KDSR: variants seen among roughly 807,000 people sequenced by gnomAD.
KDSR encodes the protein 3-ketodihydrosphingosine reductase.
KDSR carries 23 observed loss-of-function variants against 41.3 expected under a neutral mutation model. That is an observed-to-expected ratio of 0.56 (90% CI 0.40 to 0.79). The LOEUF is 0.79. Among genes scored for constraint, KDSR ranks in the 30% least tolerant of loss-of-function variants. The pLI, the probability that KDSR is intolerant of heterozygous loss-of-function variation, is 0.00. For missense variants in KDSR, 351 were observed against 416.8 expected (o/e 0.84, Z 1.37); for synonymous variants, 138 against 151.7 (o/e 0.91, Z 0.66).
At chr18:63,349,735 A>G (rs1409166599) in intron 6 of KDSR, among the ~76,000 whole-genome samples, 4 of 152,234 alleles carry the variant, frequency 2.6e-5, no homozygotes, top group African/African-American at 9.6e-5. Flanking sequence ...GGGGTCTTCT[A>G]AACAGGGGTC....
rs1913925543 is a variant in KDSR at position 63,329,904 on chromosome 18, T to C, written c.*1878A>G. The C allele has an allele frequency of 5.2e-6, 1 of 192,412 alleles. No homozygotes were observed. Among genetic ancestry groups the C allele is most frequent in the African/African-American group, 2.3e-5 (1 of 43,122 alleles). 11.9% of individuals were successfully genotyped at this position (192,412 alleles called of 1,614,324 possible). On this transcript the variant is annotated 3_prime_UTR_variant, in exon 10 of 10. Transcript: ENST00000645214. ...AAAGCTATGATTCCATTTTAGCAGCTGCACAACGCAACTCGATATAATCTG... is the reference window on the plus strand; with the variant it reads ...AAAGCTATGATTCCATTTTAGCAGCCGCACAACGCAACTCGATATAATCTG...
chr18:63,363,138 C>T (rs1230462556), intron 1 of KDSR, among the ~76,000 whole-genome samples: 1 of 151,846 alleles, frequency 6.6e-6, no homozygotes, highest in Non-Finnish European at 1.5e-5. Flanking sequence ...GGAAAAGTGC[C>T]CTATAAGTCT....
intron 8 of KDSR, among the ~76,000 whole-genome samples, chr18:63,336,408 A>G (rs751705121): frequency 2.0e-4 from 31 of 152,238 alleles, no homozygotes; most frequent in Non-Finnish European, 3.2e-4. Context: ...GCAGATGTGC[A>G]GAAAGCGAAG....
At chr18:63,337,048 A>C (rs1914179641) in intron 8 of KDSR, among the ~76,000 whole-genome samples, 1 of 149,754 alleles carries the variant, frequency 6.7e-6, no homozygotes, top group Non-Finnish European at 1.5e-5. Context: ...TGTTTAAAAA[A>C]AGTCACTTTA....
In KDSR at chr18:63,338,886, A is replaced by G; in HGVS notation, c.694-3T>C. The G allele has an allele frequency of 6.3e-7, 1 of 1,583,084 alleles. No individual in the cohort carries two copies. The highest frequency in any genetic ancestry group is 8.6e-7 in the Non-Finnish European group (1 of 1,161,054). On this transcript the variant is annotated splice_region_variant and splice_polypyrimidine_tract_variant and intron_variant, in intron 7 of 9. Coordinates refer to ENST00000645214, the MANE Select transcript of KDSR (RefSeq NM_002035.4). ...GAAATAAGTCGAGTCTCCAAAGGCT[A>G]AAAGTGGAAAAACATGTACATAACA...
At position 63,331,096 on chromosome 18, in the gene KDSR, C is replaced by T. The variant is rs775308361; in HGVS notation, c.*686G>A. ...GAAAATATCTCTTTACTTCCCATTG[C>T]ACTGCCCTCTCCCGTCCCCCTCGTA... On this transcript the variant is annotated 3_prime_UTR_variant, in exon 10 of 10. Transcript: ENST00000645214. 3 of 232,988 alleles carry T rather than the reference C, an allele frequency of 1.3e-5. No individual in the cohort carries two copies. Among genetic ancestry groups the T allele is most frequent in the African/African-American group, 4.4e-5 (2 of 45,314 alleles). 14.4% of individuals were successfully genotyped at this position (232,988 alleles called of 1,614,324 possible).
At chr18:63,362,917 T>C in intron 1 of KDSR, 49 bp from the exon 2 acceptor site, 1 of 1,291,506 alleles carries the variant, frequency 7.7e-7, no homozygotes, top group Non-Finnish European at 1.1e-6. Flanking sequence ...CTCCCCTCTG[T>C]AGGAAGTTTT....
chr18:63,351,870 A>G (rs767501846), intron 5 of KDSR, among the ~76,000 whole-genome samples: 1 of 152,000 alleles, frequency 6.6e-6, no homozygotes, highest in African/African-American at 2.4e-5. Context: ...TGCAGTCTCA[A>G]TCTCCTGGGC....
chr18:63,359,576 G>T, intron 3 of KDSR, 160 bp downstream of exon 3: 1 of 584,780 alleles, frequency 1.7e-6, no homozygotes, highest in South Asian at 2.2e-5. Context: ...TTGCGTGTGT[G>T]TGATATTCTG....
chr18:63,332,012 G>A, intron 9 of KDSR, 111 bp from the exon 10 acceptor site: 2 of 1,128,940 alleles, frequency 1.8e-6, no homozygotes, highest in Non-Finnish European at 2.5e-6. Context: ...CTGCTCTAAG[G>A]ATGAATATAA....
chr18:63,356,830 C>T (rs1914809483), intron 3 of KDSR, among the ~76,000 whole-genome samples: 1 of 152,210 alleles, frequency 6.6e-6, no homozygotes, highest in African/African-American at 2.4e-5. Flanking sequence ...GGGCAATTTA[C>T]AGAGCTGGTG....
In KDSR at chr18:63,329,530, G is replaced by A; in HGVS notation, c.*2252C>T. 2 of 202,172 alleles carry A rather than the reference G, an allele frequency of 9.9e-6. No homozygotes were observed. The highest frequency in any genetic ancestry group is 2.0e-5 in the Non-Finnish European group (2 of 98,270). 12.5% of individuals were successfully genotyped at this position (202,172 alleles called of 1,614,324 possible). Reference sequence around the variant, plus strand: ...GTAGCCCTTTAACATCTCTGACAAGGAAATTTCTTCTCTGACATGATGGTC... The same window carrying A: ...GTAGCCCTTTAACATCTCTGACAAGAAAATTTCTTCTCTGACATGATGGTC... On this transcript the variant is annotated 3_prime_UTR_variant, in exon 10 of 10. Transcript: ENST00000645214.
intron 5 of KDSR, among the ~76,000 whole-genome samples, chr18:63,351,423 T>C (rs2144366509): frequency 6.6e-6 from 1 of 152,294 alleles, no homozygotes; most frequent in African/African-American, 2.4e-5. Flanking sequence ...TGAAAGACAG[T>C]TTTAGGAAAG....
At chr18:63,334,352 C>CTT (rs71162625) in intron 9 of KDSR, among the ~76,000 whole-genome samples, 53,209 of 143,556 alleles carry the variant, frequency 0.37, 10,860 homozygotes, top group Admixed American at 0.51. Flanking sequence ...GCACTACTAT[C>CTT]TTTTTTTTTT....
intron 6 of KDSR, among the ~76,000 whole-genome samples, chr18:63,350,559 T>C (rs1198474117): frequency 6.6e-6 from 1 of 152,102 alleles, no homozygotes; most frequent in Non-Finnish European, 1.5e-5. Flanking sequence ...TAAAGAAAAA[T>C]CTCTATAAAA....
Position 63,344,504 on chromosome 18 carries a change from AAAC to A in KDSR, c.610-14_610-12del. 1 of 1,602,004 alleles carries A rather than the reference AAAC, an allele frequency of 6.2e-7. No individual in the cohort carries two copies. Among genetic ancestry groups the A allele is most frequent in the South Asian group, 1.1e-5 (1 of 90,792 alleles). On this transcript the variant is annotated splice_polypyrimidine_tract_variant and intron_variant, in intron 6 of 9. Coordinates refer to ENST00000645214, the MANE Select transcript of KDSR (RefSeq NM_002035.4). Reference sequence around the variant, plus strand: ...ATTATATGGCTTCACCTGCATTTCAAAACAACACGTGTACCTTCAGTAAACAAG... The same window carrying A: ...ATTATATGGCTTCACCTGCATTTCAAAACACGTGTACCTTCAGTAAACAAG...
chr18:63,331,398 A>T lies in KDSR; in HGVS notation c.*384T>A. 1 of 234,616 alleles carries T rather than the reference A, an allele frequency of 4.3e-6. No homozygotes were observed. Among genetic ancestry groups the T allele is most frequent in the Non-Finnish European group, 8.4e-6 (1 of 119,026 alleles). The allele number at this position is 234,616 out of a possible 1,614,324, so 14.5% of individuals were successfully genotyped here. Reference sequence around the variant, plus strand: ...ATGGAAGGTTTAAACAAAGTCCTCAAGATTTCTTTATGTGCCAGAAAGTAC... The same window carrying T: ...ATGGAAGGTTTAAACAAAGTCCTCATGATTTCTTTATGTGCCAGAAAGTAC... On this transcript the variant is annotated 3_prime_UTR_variant, in exon 10 of 10. Transcript: ENST00000645214.
At chr18:63,366,396 T>A (rs1470976273) in intron 1 of KDSR, 1 of 152,290 alleles carries the variant, frequency 6.6e-6, no homozygotes, top group Non-Finnish European at 1.5e-5. Flanking sequence ...GGGACAGGCG[T>A]CCCAATACCG....
intron 1 of KDSR, among the ~76,000 whole-genome samples, chr18:63,365,539 G>C (rs1276980926): frequency 6.6e-6 from 1 of 152,080 alleles, no homozygotes; most frequent in African/African-American, 2.4e-5. Flanking sequence ...AATTCTTCTT[G>C]GTCCACCTGA....
Sources: allele counts gnomAD v4.1 joint callset (sites outside exome capture counted in the v4.1 genomes callset), GRCh38; gene constraint gnomAD v4.1.1; transcripts MANE v1.5; gene names NCBI Gene and HGNC (gene_info 2026-07-23, HGNC 2026-07-21).